Variants in STXBP5 observed in about 807,000 individuals in gnomAD.
STXBP5 encodes syntaxin binding protein 5, also known as syntaxin-binding protein 5.
Under a neutral mutation model 152.4 loss-of-function variants are expected in STXBP5, and 50 were observed. The ratio of observed to expected loss-of-function variants is 0.33; its 90% CI spans 0.26 to 0.42. The LOEUF is 0.42. Ranked by LOEUF, STXBP5 falls within the 10% of genes least tolerant of loss-of-function variation. STXBP5 has a pLI of 1.00. For missense variants in STXBP5, 1,167 were observed against 1,388.6 expected (o/e 0.84, Z 2.54); for synonymous variants, 492 against 494.7 (o/e 0.99, Z 0.07).
chr6:147,352,022 C>T (rs1784609669), intron 21 of STXBP5: 1 of 220,794 alleles, frequency 4.5e-6, no homozygotes, highest in Non-Finnish European at 7.6e-6. Flanking sequence ...CTACCACTAA[C>T]ATAATAGATA....
chr6:147,252,592 A>C (rs553537911), intron 4 of STXBP5, among the ~76,000 whole-genome samples: 12 of 152,300 alleles, frequency 7.9e-5, no homozygotes, highest in African/African-American at 2.9e-4. Flanking sequence ...GACCAAACCT[A>C]TGTTTGATTG....
chr6:147,382,686 C>G (rs1446442909), intron 26 of STXBP5, 92 bp from the exon 27 acceptor site: 86 of 1,318,662 alleles, frequency 6.5e-5, no homozygotes, highest in Middle Eastern at 4.0e-4. Context: ...TATTACCACT[C>G]AATCCAAAAA....
intron 9 of STXBP5, among the ~76,000 whole-genome samples, chr6:147,299,605 G>C (rs1781703936): frequency 6.6e-6 from 1 of 151,928 alleles, no homozygotes; most frequent in Non-Finnish European, 1.5e-5. Context: ...GCATCACCCT[G>C]ATACCAAAAC....
chr6:147,329,792 A>AT (rs909027820), intron 18 of STXBP5, among the ~76,000 whole-genome samples: 15 of 151,026 alleles, frequency 9.9e-5, no homozygotes, highest in African/African-American at 3.4e-4. Flanking sequence ...CACCCGGCTA[A>AT]TTTTTTTTGT....
At chr6:147,362,223 CT>C (rs1205444370) in intron 23 of STXBP5, among the ~76,000 whole-genome samples, 2 of 151,950 alleles carry the variant, frequency 1.3e-5, no homozygotes, top group African/African-American at 4.8e-5. Flanking sequence ...AATATTTTTT[CT>C]TCTAAAATGT....
At chr6:147,253,326 A>G (rs907333257) in intron 4 of STXBP5, among the ~76,000 whole-genome samples, 2 of 152,202 alleles carry the variant, frequency 1.3e-5, no homozygotes, top group Non-Finnish European at 2.9e-5. Context: ...ATGGCTATTT[A>G]TGAGAAACAC....
chr6:147,371,053 A>G (rs1785517261), intron 25 of STXBP5, among the ~76,000 whole-genome samples: 1 of 152,050 alleles, frequency 6.6e-6, no homozygotes, highest in African/African-American at 2.4e-5. Context: ...CTAAAATCAG[A>G]CAAGTATATT....
intron 4 of STXBP5, among the ~76,000 whole-genome samples, chr6:147,253,537 C>G (rs943759988): frequency 4.6e-5 from 7 of 152,080 alleles, no homozygotes; most frequent in African/African-American, 1.7e-4. Context: ...CGACATGATT[C>G]TATATTTAGA....
intron 2 of STXBP5, among the ~76,000 whole-genome samples, chr6:147,212,128 A>T (rs1776889081): frequency 6.6e-6 from 1 of 152,224 alleles, no homozygotes. Flanking sequence ...AGGAATAGGC[A>T]CATTTATTTC....
intron 27 of STXBP5, among the ~76,000 whole-genome samples, chr6:147,383,508 C>A (rs921768957): frequency 8.5e-5 from 13 of 152,060 alleles, no homozygotes; most frequent in African/African-American, 2.7e-4. Flanking sequence ...TGATAGAGCT[C>A]AGAAACACAC....
chr6:147,258,673 T>C (rs1220624804), intron 4 of STXBP5, among the ~76,000 whole-genome samples: 1 of 152,188 alleles, frequency 6.6e-6, no homozygotes, highest in East Asian at 1.9e-4. Flanking sequence ...GACCTCGTGA[T>C]CTGCCTGCCT....
chr6:147,320,876 TGG>T (rs1340070238), intron 16 of STXBP5, among the ~76,000 whole-genome samples: 1 of 152,152 alleles, frequency 6.6e-6, no homozygotes, highest in African/African-American at 2.4e-5. Flanking sequence ...CAAGAATGCA[TGG>T]GAAGATTGTA....
chr6:147,299,193 A>G (rs2850178), intron 9 of STXBP5, among the ~76,000 whole-genome samples: 50,056 of 151,416 alleles, frequency 0.33, 9,462 homozygotes, highest in South Asian at 0.46. Flanking sequence ...CCCGTACAAT[A>G]GAAACGATCA....
intron 11 of STXBP5, among the ~76,000 whole-genome samples, chr6:147,313,517 G>C (rs1345076586): frequency 6.6e-6 from 1 of 152,126 alleles, no homozygotes; most frequent in African/African-American, 2.4e-5. Context: ...ATAAGGATGA[G>C]GTATGTGTTA....
At chr6:147,261,908 A>T (rs534647552) in intron 5 of STXBP5, among the ~76,000 whole-genome samples, 2 of 151,940 alleles carry the variant, frequency 1.3e-5, no homozygotes, top group Admixed American at 6.6e-5. Context: ...TTTCTATTGA[A>T]ACTAAATGGG....
At chr6:147,305,890 A>G (rs534700407) in intron 9 of STXBP5, among the ~76,000 whole-genome samples, 1 of 152,284 alleles carries the variant, frequency 6.6e-6, no homozygotes, top group South Asian at 2.1e-4. Context: ...GGAATTGTAC[A>G]TTTCCATTTG....
intron 7 of STXBP5, among the ~76,000 whole-genome samples, chr6:147,270,571 A>G (rs1450357940): frequency 6.6e-6 from 1 of 152,112 alleles, no homozygotes; most frequent in South Asian, 2.1e-4. Context: ...ACTTTTATAG[A>G]CATAAAAATT....
chr6:147,329,477 A>G (rs896821112), intron 18 of STXBP5, among the ~76,000 whole-genome samples: 1 of 150,890 alleles, frequency 6.6e-6, no homozygotes, highest in Non-Finnish European at 1.5e-5. Flanking sequence ...AAATTTATAA[A>G]TATTTGAAAT....
intron 25 of STXBP5, among the ~76,000 whole-genome samples, chr6:147,369,974 T>C (rs893068075): frequency 6.6e-6 from 1 of 152,018 alleles, no homozygotes; most frequent in African/African-American, 2.4e-5. Flanking sequence ...GCCGCTTTAT[T>C]TGTAATAGCC....
Sources: allele counts gnomAD v4.1 joint callset (sites outside exome capture counted in the v4.1 genomes callset), GRCh38; gene constraint gnomAD v4.1.1; transcripts MANE v1.5; gene names NCBI Gene and HGNC (gene_info 2026-07-23, HGNC 2026-07-21).